SPIDR: variants seen among roughly 807,000 people sequenced by gnomAD.
SPIDR encodes DNA repair-scaffolding protein.
A neutral mutation model predicts 104.6 loss-of-function variants in SPIDR; 93 were observed. The ratio of observed to expected loss-of-function variants is 0.89; its 90% CI spans 0.75 to 1.06. The LOEUF is 1.06. SPIDR is among the 50% of genes least tolerant of loss of function. The pLI is 0.00. For missense variants in SPIDR, 1,154 were observed against 1,111.2 expected (o/e 1.04, Z -0.55); for synonymous variants, 431 against 416.9 (o/e 1.03, Z -0.41).
At chr8:47,458,644 G>A (rs2073423884) in intron 8 of SPIDR, among the ~76,000 whole-genome samples, 1 of 151,848 alleles carries the variant, frequency 6.6e-6, no homozygotes, top group Admixed American at 6.6e-5. Context: ...TCTCTTGTCT[G>A]ATGGCTCTGG....
upstream of SPIDR, chr8:47,260,886 G>A: frequency 3.4e-6 from 4 of 1,180,058 alleles, no homozygotes; most frequent in Non-Finnish European, 4.2e-6. Flanking sequence ...CCAATGGCAG[G>A]GCGCGGTGCG....
At chr8:47,571,952 TATA>T (rs1385403861) in intron 8 of SPIDR, among the ~76,000 whole-genome samples, 1 of 152,154 alleles carries the variant, frequency 6.6e-6, no homozygotes, top group Non-Finnish European at 1.5e-5. Flanking sequence ...ATTAAATAAA[TATA>T]ATAACATTAT....
At chr8:47,366,125 T>G (rs1358901612) in intron 5 of SPIDR, among the ~76,000 whole-genome samples, 1 of 151,982 alleles carries the variant, frequency 6.6e-6, no homozygotes, top group African/African-American at 2.4e-5. Context: ...AAGTTGCAGA[T>G]GAGAGTGATG....
chr8:47,316,269 C>T (rs187830650), intron 5 of SPIDR, among the ~76,000 whole-genome samples: 2 of 152,192 alleles, frequency 1.3e-5, no homozygotes, highest in African/African-American at 4.8e-5. Context: ...TTTACTTGTC[C>T]CATTAGCTTA....
chr8:47,500,234 G>A (rs887039954), intron 8 of SPIDR, among the ~76,000 whole-genome samples: 9 of 152,130 alleles, frequency 5.9e-5, no homozygotes, highest in Non-Finnish European at 1.3e-4. Flanking sequence ...TTCCACAATG[G>A]TTGAACTAGT....
At chr8:47,516,258 T>A (rs2083123675) in intron 8 of SPIDR, among the ~76,000 whole-genome samples, 2 of 152,100 alleles carry the variant, frequency 1.3e-5, no homozygotes, top group African/African-American at 2.4e-5. Context: ...GAAATGCTTT[T>A]AAAAAAAATT....
chr8:47,432,085 ACAAT>A (rs1360268895), intron 7 of SPIDR, among the ~76,000 whole-genome samples: 2 of 152,218 alleles, frequency 1.3e-5, no homozygotes, highest in Non-Finnish European at 2.9e-5. Context: ...CATTAATAAC[ACAAT>A]CAATACTTTA....
chr8:47,617,034 G>T (rs1454484275), intron 10 of SPIDR, among the ~76,000 whole-genome samples: 1 of 151,760 alleles, frequency 6.6e-6, no homozygotes. Flanking sequence ...CTTATTTTGT[G>T]TTTTTTTTAT....
intron 5 of SPIDR, among the ~76,000 whole-genome samples, chr8:47,365,048 T>C (rs1274797459): frequency 6.6e-6 from 1 of 152,220 alleles, no homozygotes; most frequent in Non-Finnish European, 1.5e-5. Context: ...TGCAAGTATT[T>C]TGGAGAGTAA....
At chr8:47,380,342 A>G (rs1372126768) in intron 5 of SPIDR, among the ~76,000 whole-genome samples, 2 of 152,114 alleles carry the variant, frequency 1.3e-5, no homozygotes, top group Admixed American at 1.3e-4. Flanking sequence ...ACAGGTGTAC[A>G]CTATTTTTTT....
intron 16 of SPIDR, among the ~76,000 whole-genome samples, chr8:47,722,875 A>G (rs1356956265): frequency 1.3e-5 from 2 of 151,950 alleles, no homozygotes; most frequent in Non-Finnish European, 2.9e-5. Flanking sequence ...TTAAGACAGC[A>G]TCATCCAGGC....
chr8:47,287,597 G>T (rs1433587770), intron 3 of SPIDR, among the ~76,000 whole-genome samples: 1 of 152,066 alleles, frequency 6.6e-6, no homozygotes, highest in Non-Finnish European at 1.5e-5. Flanking sequence ...AATATTCCTT[G>T]CTGGGAAAAG....
At chr8:47,599,280 C>T in intron 10 of SPIDR, 84 bp downstream of exon 10, 1 of 1,539,422 alleles carries the variant, frequency 6.5e-7, no homozygotes, top group Non-Finnish European at 8.8e-7. Context: ...CTTCTCAGAG[C>T]ACGTTCTTAG....
At chr8:47,721,912 C>T (rs545690160) in intron 16 of SPIDR, among the ~76,000 whole-genome samples, 69 of 152,248 alleles carry the variant, frequency 4.5e-4, no homozygotes, top group Middle Eastern at 3.4e-3. Flanking sequence ...TTGATATCCA[C>T]AAAATAACTT....
chr8:47,517,828 G>C (rs986669450), intron 8 of SPIDR, among the ~76,000 whole-genome samples: 1 of 152,162 alleles, frequency 6.6e-6, no homozygotes, highest in Non-Finnish European at 1.5e-5. Flanking sequence ...TTTGAGGGTA[G>C]AGATTAATTT....
At chr8:47,676,520 T>C (rs1367479369) in intron 11 of SPIDR, among the ~76,000 whole-genome samples, 6 of 52,096 alleles carry the variant, frequency 1.2e-4, no homozygotes, top group Non-Finnish European at 5.5e-4. Context: ...TTCTCTCTCT[T>C]TTTTTTTTTC....
At chr8:47,553,602 T>C (rs1413170162) in intron 8 of SPIDR, among the ~76,000 whole-genome samples, 1 of 152,196 alleles carries the variant, frequency 6.6e-6, no homozygotes, top group Admixed American at 6.5e-5. Context: ...CATCAGATCA[T>C]GTAAGGTCTT....
chr8:47,627,826 G>T (rs757198699), intron 10 of SPIDR, among the ~76,000 whole-genome samples: 1 of 152,170 alleles, frequency 6.6e-6, no homozygotes, highest in African/African-American at 2.4e-5. Context: ...CAGCCTTGAC[G>T]TACTGGCCGG....
At chr8:47,641,483 T>C (rs1287753927) in intron 10 of SPIDR, among the ~76,000 whole-genome samples, 1 of 152,268 alleles carries the variant, frequency 6.6e-6, no homozygotes, top group Admixed American at 6.5e-5. Flanking sequence ...ATTTACTTAG[T>C]AGAGTGCCTA....
Sources: allele counts gnomAD v4.1 joint callset (sites outside exome capture counted in the v4.1 genomes callset), GRCh38; gene constraint gnomAD v4.1.1; transcripts MANE v1.5; gene names NCBI Gene and HGNC (gene_info 2026-07-23, HGNC 2026-07-21).